Variants in THRB observed in about 807,000 individuals in gnomAD.
THRB encodes thyroid hormone receptor beta.
Under a neutral mutation model 47.8 loss-of-function variants are expected in THRB, and 12 were observed. The ratio of observed to expected loss-of-function variants is 0.25; its 90% CI spans 0.16 to 0.41. THRB has a LOEUF of 0.41. THRB is among the 10% of genes least tolerant of loss of function. The pLI, the probability that THRB is intolerant of heterozygous loss-of-function variation, is 1.00. For synonymous variants in THRB, 218 were observed against 212.2 expected (o/e 1.03, Z -0.24); for missense variants, 348 against 589.2 (o/e 0.59, Z 4.24).
chr3:24,146,386 C>A (rs1251928746), intron 7 of THRB, among the ~76,000 whole-genome samples: 5 of 152,164 alleles, frequency 3.3e-5, no homozygotes, highest in African/African-American at 1.2e-4. Context: ...AACAACTAGG[C>A]CTGCAAATGT....
At chr3:24,266,468 C>T (rs530929259) in intron 3 of THRB, among the ~76,000 whole-genome samples, 3 of 152,156 alleles carry the variant, frequency 2.0e-5, no homozygotes, top group African/African-American at 7.2e-5. Context: ...AAGAGGCAGG[C>T]TTGGAAAAAG....
chr3:24,226,932 C>T (rs1365723492), intron 4 of THRB, among the ~76,000 whole-genome samples: 4 of 152,160 alleles, frequency 2.6e-5, no homozygotes, highest in African/African-American at 4.8e-5. Context: ...TATTTATTCA[C>T]TGGCCCTTTA....
chr3:24,384,286 T>G (rs1186821572), intron 1 of THRB, among the ~76,000 whole-genome samples: 1 of 152,158 alleles, frequency 6.6e-6, no homozygotes, highest in African/African-American at 2.4e-5. Flanking sequence ...TTGGTATTGT[T>G]TTCAAGTTCT....
chr3:24,358,611 T>C (rs1432733727), intron 1 of THRB, among the ~76,000 whole-genome samples: 3 of 152,196 alleles, frequency 2.0e-5, no homozygotes, highest in Non-Finnish European at 2.9e-5. Flanking sequence ...CCAGTCCCTA[T>C]TATATTTTGT....
intron 1 of THRB, among the ~76,000 whole-genome samples, chr3:24,359,083 A>G (rs780050043): frequency 2.0e-5 from 3 of 152,170 alleles, no homozygotes; most frequent in Non-Finnish European, 2.9e-5. Context: ...GGCTTAAAAC[A>G]GCAACCACTT....
chr3:24,403,506 C>T (rs959679925), intron 1 of THRB, among the ~76,000 whole-genome samples: 1 of 131,226 alleles, frequency 7.6e-6, no homozygotes, highest in Admixed American at 8.3e-5. Flanking sequence ...TTTCATAATA[C>T]TACTAAGGCA....
intron 1 of THRB, among the ~76,000 whole-genome samples, chr3:24,416,093 G>A (rs1171646281): frequency 2.6e-5 from 4 of 151,912 alleles, no homozygotes; most frequent in Admixed American, 6.6e-5. Flanking sequence ...GAAATTTCAC[G>A]TCAATGACCT....
At chr3:24,131,158 A>C (rs1428780767) in intron 9 of THRB, among the ~76,000 whole-genome samples, 1 of 152,202 alleles carries the variant, frequency 6.6e-6, no homozygotes, top group Admixed American at 6.5e-5. Flanking sequence ...TGTGGTATGC[A>C]TTATATTAAA....
chr3:24,342,250 T>C (rs999313805), intron 1 of THRB, among the ~76,000 whole-genome samples: 1 of 151,670 alleles, frequency 6.6e-6, no homozygotes, highest in Admixed American at 6.6e-5. Flanking sequence ...ATCAGGGTTA[T>C]CCAGGAAAAC....
At chr3:24,247,271 T>A (rs1014324710) in intron 3 of THRB, among the ~76,000 whole-genome samples, 8 of 152,200 alleles carry the variant, frequency 5.3e-5, no homozygotes, top group Non-Finnish European at 1.2e-4. Flanking sequence ...AGAATAGTAA[T>A]GATGATAACA....
At chr3:24,472,062 G>A (rs1361319412) in intron 1 of THRB, among the ~76,000 whole-genome samples, 3 of 152,152 alleles carry the variant, frequency 2.0e-5, no homozygotes, top group African/African-American at 7.2e-5. Flanking sequence ...TAGTCCTACA[G>A]AGTAGGACAT....
At chr3:24,270,269 C>G (rs1413644979) in intron 3 of THRB, among the ~76,000 whole-genome samples, 1 of 152,194 alleles carries the variant, frequency 6.6e-6, no homozygotes, top group Non-Finnish European at 1.5e-5. Flanking sequence ...TACTACTGGA[C>G]AGGGTGCAAT....
chr3:24,348,685 C>A (rs991455359), intron 1 of THRB: 1 of 152,046 alleles, frequency 6.6e-6, no homozygotes, highest in African/African-American at 2.4e-5. Context: ...TGAAGTGATC[C>A]TTAAAGACCT....
At chr3:24,168,720 A>G (rs900204209) in intron 5 of THRB, among the ~76,000 whole-genome samples, 2 of 151,672 alleles carry the variant, frequency 1.3e-5, no homozygotes, top group African/African-American at 4.8e-5. Flanking sequence ...CAGCTTCACT[A>G]CATATTTCCC....
chr3:24,181,945 T>C (rs1480593673), intron 5 of THRB, among the ~76,000 whole-genome samples: 1 of 152,192 alleles, frequency 6.6e-6, no homozygotes, highest in Non-Finnish European at 1.5e-5. Context: ...CTCGTGCCTG[T>C]AATCCCAGCA....
At chr3:24,436,739 A>G (rs1321305163) in intron 1 of THRB, among the ~76,000 whole-genome samples, 1 of 152,168 alleles carries the variant, frequency 6.6e-6, no homozygotes, top group South Asian at 2.1e-4. Flanking sequence ...GATCACGTAC[A>G]TCTAACCACC....
chr3:24,204,604 C>G (rs1485639297), intron 4 of THRB, among the ~76,000 whole-genome samples: 1 of 152,226 alleles, frequency 6.6e-6, no homozygotes, highest in Non-Finnish European at 1.5e-5. Flanking sequence ...TCCTCTCCCC[C>G]TCCAAAGGAA....
intron 1 of THRB, among the ~76,000 whole-genome samples, chr3:24,471,638 A>G (rs1298178859): frequency 1.3e-5 from 2 of 152,092 alleles, no homozygotes; most frequent in African/African-American, 4.8e-5. Context: ...CCATATCTTC[A>G]TGGTGTCCCT....
At chr3:24,465,713 C>G (rs1228036496) in intron 1 of THRB, among the ~76,000 whole-genome samples, 1 of 152,042 alleles carries the variant, frequency 6.6e-6, no homozygotes, top group African/African-American at 2.4e-5. Flanking sequence ...CTAGAATTTT[C>G]CTTTAATCTG....
Sources: allele counts gnomAD v4.1 joint callset (sites outside exome capture counted in the v4.1 genomes callset), GRCh38; gene constraint gnomAD v4.1.1; transcripts MANE v1.5; gene names NCBI Gene and HGNC (gene_info 2026-07-23, HGNC 2026-07-21).